The following SREK1IP1 variants were observed in gnomAD, a reference collection of about 807,000 sequenced individuals.
SREK1IP1 encodes protein SREK1IP1.
A neutral mutation model predicts 22.8 loss-of-function variants in SREK1IP1; 12 were observed. The ratio of observed to expected loss-of-function variants is 0.53; its 90% confidence interval spans 0.34 to 0.85. The LOEUF is 0.85. Ranked by LOEUF, SREK1IP1 falls within the 40% of genes least tolerant of loss-of-function variation. SREK1IP1 has a pLI of 0.02. For missense variants in SREK1IP1, 147 were observed against 171.8 expected (o/e 0.86, Z 0.81); for synonymous variants, 53 against 52.7 (o/e 1.01, Z -0.02).
intron 2 of SREK1IP1, among the ~76,000 whole-genome samples, chr5:64,752,560 T>C (rs1045140167): frequency 1.3e-5 from 2 of 152,180 alleles, no homozygotes; most frequent in African/African-American, 4.8e-5. Flanking sequence ...AAAAACAATA[T>C]ATTCACTATT....
chr5:64,766,317 A>G (rs1743032031), intron 1 of SREK1IP1, among the ~76,000 whole-genome samples: 1 of 152,176 alleles, frequency 6.6e-6, no homozygotes, highest in Non-Finnish European at 1.5e-5. Flanking sequence ...TTGTCATGTC[A>G]GTAAACAGCC....
At chr5:64,737,442 G>A (rs114016522) in intron 3 of SREK1IP1, among the ~76,000 whole-genome samples, 1,996 of 149,476 alleles carry the variant, frequency 0.013, 34 homozygotes, top group African/African-American at 0.047. Flanking sequence ...GTACTAAAAG[G>A]GAAATTTATA....
At chr5:64,767,965 T>C (rs1395296765) in intron 1 of SREK1IP1, among the ~76,000 whole-genome samples, 2 of 152,200 alleles carry the variant, frequency 1.3e-5, no homozygotes, top group African/African-American at 2.4e-5. Context: ...AAATCTTATA[T>C]ATAATTCAAC....
chr5:64,752,191 G>A (rs1448007570), intron 2 of SREK1IP1, among the ~76,000 whole-genome samples: 40 of 115,652 alleles, frequency 3.5e-4, no homozygotes, highest in African/African-American at 1.1e-3. Flanking sequence ...TCGCTCCATC[G>A]CCCAGGCTGG....
chr5:64,745,711 T>C (rs545425817), intron 2 of SREK1IP1, among the ~76,000 whole-genome samples: 3 of 152,274 alleles, frequency 2.0e-5, no homozygotes, highest in South Asian at 4.1e-4. Context: ...ATAATGACCA[T>C]ACTGGTAGCA....
intron 1 of SREK1IP1, among the ~76,000 whole-genome samples, chr5:64,756,454 T>A (rs1384614131): frequency 6.6e-6 from 1 of 152,326 alleles, no homozygotes; most frequent in South Asian, 2.1e-4. Flanking sequence ...CTTAGCAGAA[T>A]GTTTTCAAAG....
chr5:64,742,379 A>G (rs771406416), intron 2 of SREK1IP1, among the ~76,000 whole-genome samples: 2 of 152,190 alleles, frequency 1.3e-5, no homozygotes, highest in African/African-American at 2.4e-5. Flanking sequence ...AAAATAATGC[A>G]AACAAGTGCA....
chr5:64,726,903 T>A (rs1742277653), intron 4 of SREK1IP1, among the ~76,000 whole-genome samples: 1 of 152,188 alleles, frequency 6.6e-6, no homozygotes, highest in Non-Finnish European at 1.5e-5. Context: ...AAAGATCATA[T>A]CAAACCACAT....
In SREK1IP1 at chr5:64,719,903, A is replaced by G. The variant is rs954425452; in HGVS notation, c.*4481T>C. The G allele has an allele frequency of 4.6e-5, 7 of 152,224 alleles. No homozygotes were observed. Among genetic ancestry groups the G allele is most frequent in the Non-Finnish European group, 7.3e-5 (5 of 68,044 alleles). 9.4% of individuals were successfully genotyped at this position (152,224 alleles called of 1,614,324 possible). On this transcript the variant is annotated 3_prime_UTR_variant, in exon 5 of 5. Coordinates refer to ENST00000513458, the MANE Select transcript of SREK1IP1 (RefSeq NM_173829.4). The stretch of plus-strand genomic sequence containing the variant: ...GAAACCTACTGTTCTTGGGCACCCA[A>G]TGTCCAGGAAGTTTTGGTCTCAGCA...
intron 1 of SREK1IP1, among the ~76,000 whole-genome samples, chr5:64,760,562 T>G (rs1434933422): frequency 6.6e-6 from 1 of 152,132 alleles, no homozygotes; most frequent in Non-Finnish European, 1.5e-5. Flanking sequence ...TGCAGAAAGA[T>G]GTATGGGAAC....
intron 2 of SREK1IP1, among the ~76,000 whole-genome samples, chr5:64,753,744 A>C (rs936346642): frequency 1.3e-5 from 2 of 152,240 alleles, no homozygotes; most frequent in African/African-American, 4.8e-5. Flanking sequence ...CTAAAGCTTT[A>C]GGCATTACTA....
chr5:64,766,589 C>A (rs1003320053), intron 1 of SREK1IP1, among the ~76,000 whole-genome samples: 1 of 152,200 alleles, frequency 6.6e-6, no homozygotes, highest in East Asian at 1.9e-4. Context: ...GCTTTAAAAT[C>A]CTTAAATGGC....
rs978767113 is a variant in SREK1IP1 at position 64,720,497 on chromosome 5, T to C, written c.*3887A>G. Reference sequence around the variant, plus strand: ...AAAACCAAACCCTAATAAAAGTCATTTCCTTCCTTAAAATCTTTTTTTTTT... The same window carrying C: ...AAAACCAAACCCTAATAAAAGTCATCTCCTTCCTTAAAATCTTTTTTTTTT... On this transcript the variant is annotated 3_prime_UTR_variant, in exon 5 of 5. Coordinates refer to ENST00000513458, the MANE Select transcript of SREK1IP1 (RefSeq NM_173829.4). 3 of 144,844 alleles carry C rather than the reference T, an allele frequency of 2.1e-5. No individual in the cohort carries two copies. The highest frequency in any genetic ancestry group is 7.2e-5 in the Admixed American group (1 of 13,924). 9.0% of individuals were successfully genotyped at this position (144,844 alleles called of 1,614,324 possible).
At chr5:64,764,167 GT>G (rs1742997543) in intron 1 of SREK1IP1, among the ~76,000 whole-genome samples, 1 of 152,050 alleles carries the variant, frequency 6.6e-6, no homozygotes, top group Admixed American at 6.6e-5. Context: ...AACTCATAAT[GT>G]TTTAAGAAAG....
In SREK1IP1 at chr5:64,768,655, G is replaced by C. The variant is rs1391522469; in HGVS notation, c.-138C>G. ...CAGCACCCTCGCTACGGTCGGGAAG[G>C]GCCTGTACGCCTCTAGCGACGGCAG... On this transcript the variant is annotated 5_prime_UTR_variant, in exon 1 of 5. Transcript: ENST00000513458. 4.9e-6 allele frequency: 6 copies of C among 1,214,248 alleles called. No homozygotes were observed. In the East Asian group the frequency reaches 1.2e-4, roughly 24 times the overall value. 75.2% of individuals were successfully genotyped at this position (1,214,248 alleles called of 1,614,324 possible). A position where few individuals can be genotyped will look rare whatever the true frequency, so the allele number is the denominator to read the frequency against.
chr5:64,747,781 A>G (rs1742665787), intron 2 of SREK1IP1, among the ~76,000 whole-genome samples: 1 of 152,136 alleles, frequency 6.6e-6, no homozygotes, highest in Admixed American at 6.5e-5. Context: ...ATAAAAAAGT[A>G]GCCGGGCATG....
rs1743118103 is a variant in SREK1IP1 at position 64,768,661 on chromosome 5, T to C, written c.-144A>G. ...CCTCGCTACGGTCGGGAAGGGCCTG[T>C]ACGCCTCTAGCGACGGCAGAACCAG... is the stretch of plus-strand genomic sequence containing the variant. On this transcript the variant is annotated 5_prime_UTR_variant, in exon 1 of 5. Coordinates refer to ENST00000513458, the MANE Select transcript of SREK1IP1 (RefSeq NM_173829.4). 5 of 1,140,800 alleles carry C rather than the reference T, an allele frequency of 4.4e-6. No homozygotes were observed. The highest frequency in any genetic ancestry group is 2.6e-5 in the South Asian group (2 of 76,078). The allele number at this position is 1,140,800 out of a possible 1,614,324, so 70.7% of individuals were successfully genotyped here. A position where few individuals can be genotyped will look rare whatever the true frequency, so the allele number is the denominator to read the frequency against.
At chr5:64,738,143 C>T (rs1387825547) in intron 3 of SREK1IP1, among the ~76,000 whole-genome samples, 1 of 152,150 alleles carries the variant, frequency 6.6e-6, no homozygotes, top group African/African-American at 2.4e-5. Context: ...CAGACCAATA[C>T]ACCTGATGAA....
At chr5:64,744,837 T>C (rs1485160587) in intron 2 of SREK1IP1, among the ~76,000 whole-genome samples, 1 of 152,226 alleles carries the variant, frequency 6.6e-6, no homozygotes, top group African/African-American at 2.4e-5. Context: ...CATACTTACA[T>C]ATACTTACAA....
Sources: gnomAD v4.1 joint callset for allele counts (sites outside exome capture counted in the v4.1 genomes callset) on GRCh38, gnomAD v4.1.1 for gene constraint, MANE v1.5 for transcripts, NCBI Gene and HGNC (gene_info 2026-07-23, HGNC 2026-07-21) for gene names.